Variants in SORCS3 observed in about 807,000 individuals in gnomAD.
SORCS3 encodes the protein VPS10 domain-containing receptor SorCS3.
In SORCS3, 57 loss-of-function variants were observed where a neutral mutation model predicts 146.3. The observed-to-expected ratio is 0.39, with a 90% CI of 0.31 to 0.49. SORCS3 has a LOEUF of 0.49. SORCS3 is among the 20% of genes least tolerant of loss of function. The pLI is 0.92. For synonymous variants in SORCS3, 653 were observed against 618.5 expected (o/e 1.06, Z -0.83); for missense variants, 1,341 against 1,575.5 (o/e 0.85, Z 2.52).
intron 2 of SORCS3, among the ~76,000 whole-genome samples, chr10:104,853,639 C>T (rs2018297662): frequency 6.6e-6 from 1 of 152,116 alleles, no homozygotes. Context: ...GTCAAGGAGT[C>T]GAAACTTTAA....
intron 1 of SORCS3, among the ~76,000 whole-genome samples, chr10:104,798,253 A>G (rs997019925): frequency 2.6e-5 from 4 of 152,114 alleles, no homozygotes; most frequent in Non-Finnish European, 4.4e-5. Context: ...ACTTGGAGCA[A>G]TGGCTTGTTA....
chr10:104,832,022 C>T (rs2018006033), intron 1 of SORCS3, among the ~76,000 whole-genome samples: 1 of 152,144 alleles, frequency 6.6e-6, no homozygotes, highest in Non-Finnish European at 1.5e-5. Flanking sequence ...AGTTGATAGG[C>T]CATGTCTTTT....
rs143913454 is a variant in SORCS3 at position 104,809,997 on chromosome 10, A to G, written c.628-32795A>G. ...GGCTGCTTCCTGGAGCTTTGCATGA[A>G]ATGTGTCACCCACCAGTGGGTTGGA... On this transcript the variant is annotated intron_variant, in intron 1 of 26. Coordinates refer to ENST00000369701, the MANE Select transcript of SORCS3 (RefSeq NM_014978.3). Among the ~76,000 whole-genome samples the G allele has an allele frequency of 1.2e-4, 18 of 152,308 alleles. 1 individual carries two copies. In the East Asian group the frequency reaches 3.3e-3, roughly 28 times the overall value.
intron 1 of SORCS3, among the ~76,000 whole-genome samples, chr10:104,759,386 A>G (rs2017094286): frequency 6.6e-6 from 1 of 152,184 alleles, no homozygotes; most frequent in Non-Finnish European, 1.5e-5. Context: ...GCAAACTCAT[A>G]CACAGAGGAT....
intron 3 of SORCS3, among the ~76,000 whole-genome samples, chr10:104,974,100 A>G (rs907679123): frequency 6.6e-6 from 1 of 151,998 alleles, no homozygotes; most frequent in African/African-American, 2.4e-5. Flanking sequence ...TTTGCCGAGG[A>G]GTGTTTTACT....
intron 17 of SORCS3, 79 bp from the exon 18 acceptor site, chr10:105,214,363 A>G: frequency 2.0e-6 from 2 of 1,006,682 alleles, no homozygotes; most frequent in South Asian, 2.3e-5. Flanking sequence ...CATTCCCTTT[A>G]TAACACACAC....
chr10:104,905,701 A>G (rs2133593149), intron 2 of SORCS3, among the ~76,000 whole-genome samples: 1 of 152,278 alleles, frequency 6.6e-6, no homozygotes, highest in African/African-American at 2.4e-5. Flanking sequence ...GAAAAGAGAA[A>G]AAGATGTGGT....
rs752388369 is a variant in SORCS3, at chr10:105,158,902, CCTTACAT to C, written c.1643_1649del (p.Leu548CysfsTer65). The stretch of plus-strand genomic sequence containing the variant: ...CTTTCTCCATTTTAGCCCTTCTGTT[CCTTACAT>C]CTGCACCTGCAACTCTCTGAAAATC... On this transcript the variant is annotated frameshift_variant, in exon 11 of 27. Transcript: ENST00000369701. LOFTEE classifies it high-confidence loss of function. 1 of 1,611,854 alleles carries C rather than the reference CCTTACAT, an allele frequency of 6.2e-7. No individual in the cohort carries two copies.
intron 20 of SORCS3, among the ~76,000 whole-genome samples, chr10:105,243,649 G>A (rs1261922568): frequency 1.3e-5 from 2 of 152,174 alleles, no homozygotes; most frequent in Admixed American, 6.5e-5. Context: ...TTTGCCCTTA[G>A]TTAAGGGAAG....
At chr10:105,187,768 G>A (rs1327914410) in intron 14 of SORCS3, among the ~76,000 whole-genome samples, 21 of 152,132 alleles carry the variant, frequency 1.4e-4, no homozygotes, top group Admixed American at 6.5e-5. Flanking sequence ...TCAACAATAC[G>A]TATCGATAGC....
chr10:105,017,296 G>A (rs1279909384), intron 4 of SORCS3, among the ~76,000 whole-genome samples: 11 of 152,144 alleles, frequency 7.2e-5, no homozygotes, highest in Admixed American at 7.2e-4. Flanking sequence ...GGGGGCAGTT[G>A]TGTTTAAGTG....
At chr10:105,121,749 C>A (rs1045610415) in intron 7 of SORCS3, among the ~76,000 whole-genome samples, 1 of 152,144 alleles carries the variant, frequency 6.6e-6, no homozygotes, top group Non-Finnish European at 1.5e-5. Flanking sequence ...GTATTCATGC[C>A]TGAGCCTCTG....
chr10:104,850,949 T>G (rs981599085), intron 2 of SORCS3, among the ~76,000 whole-genome samples: 1 of 152,248 alleles, frequency 6.6e-6, no homozygotes, highest in Non-Finnish European at 1.5e-5. Context: ...CTTACTCTGC[T>G]AACTTGCTGT....
chr10:105,212,775 C>A (rs2119644235), intron 17 of SORCS3, among the ~76,000 whole-genome samples: 1 of 152,244 alleles, frequency 6.6e-6, no homozygotes, highest in African/African-American at 2.4e-5. Context: ...TAGATGATAT[C>A]AAGTTTGTGT....
Position 104,955,096 on chromosome 10 carries a change from G to GT in SORCS3, c.796-22238dup, listed in dbSNP as rs1324121990. On this transcript the variant is annotated intron_variant, in intron 3 of 26. Coordinates refer to ENST00000369701, the MANE Select transcript of SORCS3 (RefSeq NM_014978.3). Reference sequence around the variant, plus strand: ...TGGCATTTAGTACATGCACAATGTGGTGTAATCACTACTATCTAGTTCCAG... The same window carrying GT: ...TGGCATTTAGTACATGCACAATGTGGTTGTAATCACTACTATCTAGTTCCAG... Among the ~76,000 whole-genome samples the GT allele has an allele frequency of 5.3e-5, 8 of 152,178 alleles. No individual in the cohort carries two copies. In the Middle Eastern group the frequency reaches 0.014, roughly 259 times the overall value.
chr10:104,641,591 G>T lies in SORCS3; in HGVS notation c.264G>T (p.Glu88Asp), dbSNP rs1306615154. The change falls in exon 1 of 27, where the codon GAG (glutamate) becomes GAT (aspartate). Residue 88 changes from glutamate (E) to aspartate (D), a missense_variant. By Grantham distance (45) the Glu-to-Asp change is conservative. Coordinates refer to ENST00000369701, the MANE Select transcript of SORCS3 (RefSeq NM_014978.3). The surrounding 1 kb of genome is among the most constrained non-coding windows in gnomAD (Gnocchi z 6.4). ...AAVLGRRAGP[E>D]LLPQQGGGRG... ...TGCTGGGGCGCCGGGCCGGACCAGA[G>T]CTGCTGCCCCAGCAGGGCGGCGGCA... The T allele has an allele frequency of 1.3e-6, 2 of 1,512,390 alleles. No homozygotes were observed. Among genetic ancestry groups the T allele is most frequent in the Non-Finnish European group, 8.8e-7 (1 of 1,137,870 alleles). The allele number at this position is 1,512,390 out of a possible 1,614,324, so 93.7% of individuals were successfully genotyped here.
intron 4 of SORCS3, among the ~76,000 whole-genome samples, chr10:105,027,149 TATCCTTCCC>T (rs1248031715): frequency 6.6e-6 from 1 of 152,170 alleles, no homozygotes; most frequent in Non-Finnish European, 1.5e-5. Flanking sequence ...TGTGGGTCTG[TATCCTTCCC>T]ATCCTTCCAT....
At chr10:104,741,188 C>G (rs1192885961) in intron 1 of SORCS3, among the ~76,000 whole-genome samples, 1 of 96,958 alleles carries the variant, frequency 1.0e-5, no homozygotes, top group African/African-American at 4.2e-5. Context: ...CCAGGTTGTT[C>G]TCAAACTCTT....
chr10:105,008,737 C>T lies in SORCS3; in HGVS notation c.954+31244C>T, dbSNP rs377190429. On this transcript the variant is annotated intron_variant, in intron 4 of 26. Transcript: ENST00000369701. ...TCTCAAGTCACTGCAACCTCCCCCTCGGGGGTTCAAGCAATTCTCCTGCCT... is the reference window on the plus strand; with the variant it reads ...TCTCAAGTCACTGCAACCTCCCCCTTGGGGGTTCAAGCAATTCTCCTGCCT... Among the ~76,000 whole-genome samples the T allele has an allele frequency of 3.3e-4, 50 of 152,332 alleles. No individual in the cohort carries two copies. In the South Asian group the frequency reaches 9.1e-3, roughly 28 times the overall value.
Sources: gnomAD v4.1 joint callset for allele counts (sites outside exome capture counted in the v4.1 genomes callset) on GRCh38, gnomAD v4.1.1 for gene constraint, Gnocchi (gnomAD v3.1) non-coding constraint, MANE v1.5 for transcripts, NCBI Gene and HGNC (gene_info 2026-07-23, HGNC 2026-07-21) for gene names.